DCDC2: variants seen among roughly 807,000 people sequenced by gnomAD.
DCDC2 encodes doublecortin domain-containing protein 2.
DCDC2 carries 40 observed loss-of-function variants against 50.2 expected under a neutral mutation model. That is an observed-to-expected ratio of 0.80 (90% confidence interval 0.62 to 1.04). DCDC2 has a LOEUF of 1.04. Among genes scored for constraint, DCDC2 ranks in the 50% least tolerant of loss-of-function variants. The pLI is 0.00. For missense variants in DCDC2, 570 were observed against 581.9 expected, an observed-to-expected ratio of 0.98 and a Z score of 0.21; for synonymous variants, 234 against 210.6, an observed-to-expected ratio of 1.11 and a Z score of -0.96.
At chr6:24,304,522 C>A (rs561348576) in intron 2 of DCDC2, among the ~76,000 whole-genome samples, 1 of 152,014 alleles carries the variant, frequency 6.6e-6, no homozygotes, top group African/African-American at 2.4e-5. Context: ...AGGTAATGCA[C>A]GCACCTGAAC....
chr6:24,189,421 A>G (rs1354282044), intron 8 of DCDC2, among the ~76,000 whole-genome samples: 1 of 152,218 alleles, frequency 6.6e-6, no homozygotes, highest in African/African-American at 2.4e-5. Context: ...GTATTTCCAC[A>G]GGCAGATGGG....
At chr6:24,372,881 C>T in the DCDC2 span, among the ~76,000 whole-genome samples, 1 of 151,594 alleles carries the variant, frequency 6.6e-6, no homozygotes, top group African/African-American at 2.4e-5. Flanking sequence ...CAAACCTGCA[C>T]GTTGTGCACA....
chr6:24,357,375 G>C (rs535090952), intron 1 of DCDC2, 83 bp downstream of exon 1: 88 of 1,454,870 alleles, frequency 6.0e-5, no homozygotes, highest in Non-Finnish European at 7.9e-5. Context: ...TGAGGTGTGG[G>C]GGGGTAGGGA....
intron 2 of DCDC2, among the ~76,000 whole-genome samples, chr6:24,344,418 G>A (rs78989671): frequency 0.012 from 1,821 of 152,100 alleles, 28 homozygotes; most frequent in African/African-American, 0.042. Context: ...TCTTTGCTTA[G>A]AACAGCTTAT....
At chr6:24,275,244 A>G (rs1037247402) in intron 7 of DCDC2, among the ~76,000 whole-genome samples, 2 of 152,188 alleles carry the variant, frequency 1.3e-5, no homozygotes, top group Admixed American at 1.3e-4. Flanking sequence ...TAAAGAGAGA[A>G]ATGGAGAGGG....
At chr6:24,354,073 C>G (rs1043341220) in intron 1 of DCDC2, among the ~76,000 whole-genome samples, 28 of 152,116 alleles carry the variant, frequency 1.8e-4, no homozygotes, top group African/African-American at 6.5e-4. Flanking sequence ...TATGAGAGCA[C>G]CTTAATGATA....
intron 7 of DCDC2, among the ~76,000 whole-genome samples, chr6:24,226,148 T>C (rs1762229833): frequency 6.6e-5 from 10 of 150,732 alleles, no homozygotes; most frequent in Admixed American, 6.6e-4. Flanking sequence ...ATCCATTGAT[T>C]CATAAACTTC....
chr6:24,249,048 C>G (rs905996786), intron 7 of DCDC2, among the ~76,000 whole-genome samples: 5 of 152,026 alleles, frequency 3.3e-5, no homozygotes, highest in African/African-American at 1.2e-4. Flanking sequence ...ACCATAATTT[C>G]CAAGGTTCCT....
intron 1 of DCDC2, 65 bp from the exon 2 acceptor site, chr6:24,353,688 T>TA: frequency 2.0e-6 from 2 of 1,016,556 alleles, no homozygotes; most frequent in East Asian, 2.6e-5. Context: ...AATTTATTTT[T>TA]AAAAATCATA....
intron 6 of DCDC2, among the ~76,000 whole-genome samples, chr6:24,278,529 G>C (rs2113819988): frequency 1.3e-5 from 2 of 152,284 alleles, no homozygotes; most frequent in Admixed American, 1.3e-4. Flanking sequence ...ATGCTAGTGA[G>C]ATAGACACTA....
intron 8 of DCDC2, among the ~76,000 whole-genome samples, chr6:24,179,684 G>T (rs943334911): frequency 2.9e-5 from 4 of 139,422 alleles, no homozygotes; most frequent in Non-Finnish European, 6.2e-5. Context: ...GCCAGGCACG[G>T]TGGCTTATGC....
chr6:24,301,406 G>C (rs1219057241), intron 4 of DCDC2, among the ~76,000 whole-genome samples: 3 of 150,940 alleles, frequency 2.0e-5, no homozygotes, highest in East Asian at 3.9e-4. Context: ...TAAGGGGCTG[G>C]CTCTTTCAAA....
At chr6:24,345,371 A>G (rs555373759) in intron 2 of DCDC2, among the ~76,000 whole-genome samples, 4 of 152,206 alleles carry the variant, frequency 2.6e-5, no homozygotes. Context: ...GATATTCAAA[A>G]TCTTAAGGAC....
At chr6:24,227,534 G>A (rs894079444) in intron 7 of DCDC2, among the ~76,000 whole-genome samples, 3 of 152,194 alleles carry the variant, frequency 2.0e-5, no homozygotes, top group African/African-American at 7.2e-5. Context: ...CACCCTGAGG[G>A]TTAATCAGAG....
At chr6:24,214,815 C>T (rs1469788477) in intron 7 of DCDC2, among the ~76,000 whole-genome samples, 1 of 152,198 alleles carries the variant, frequency 6.6e-6, no homozygotes, top group East Asian at 1.9e-4. Context: ...GTTAGCCATA[C>T]TTCTATACGC....
chr6:24,335,744 T>G (rs997034878), intron 2 of DCDC2, among the ~76,000 whole-genome samples: 4 of 152,178 alleles, frequency 2.6e-5, no homozygotes, highest in African/African-American at 9.7e-5. Flanking sequence ...ACGACCTTCT[T>G]CACGTGGTGG....
intron 7 of DCDC2, among the ~76,000 whole-genome samples, chr6:24,232,004 T>C (rs9467088): frequency 0.082 from 12,145 of 148,368 alleles, 544 homozygotes; most frequent in Middle Eastern, 0.13. Flanking sequence ...CATATATATA[T>C]ACACACACAC....
At chr6:24,222,965 T>C (rs749606594) in intron 7 of DCDC2, among the ~76,000 whole-genome samples, 21 of 152,248 alleles carry the variant, frequency 1.4e-4, no homozygotes, top group Non-Finnish European at 2.1e-4. Context: ...AAAAAAAGAC[T>C]GATTAAAGTG....
At chr6:24,353,313 C>T (rs1311527630) in intron 2 of DCDC2, 1 of 532,772 alleles carries the variant, frequency 1.9e-6, no homozygotes, top group Non-Finnish European at 3.7e-6. Flanking sequence ...AATCAGAGAA[C>T]ATGTAGCTAG....
Sources: allele counts gnomAD v4.1 joint callset (sites outside exome capture counted in the v4.1 genomes callset), GRCh38; gene constraint gnomAD v4.1.1; transcripts MANE v1.5; gene names NCBI Gene and HGNC (gene_info 2026-07-23, HGNC 2026-07-21).